Variants in ARHGEF28 observed in about 807,000 individuals in gnomAD.
The protein encoded by ARHGEF28 is 190 kDa guanine nucleotide exchange factor.
A neutral mutation model predicts 206.6 loss-of-function variants in ARHGEF28; 152 were observed. The observed-to-expected ratio is 0.74, with a 90% CI of 0.64 to 0.84. ARHGEF28 has a LOEUF of 0.84. ARHGEF28 is among the 40% of genes least tolerant of loss of function. ARHGEF28 has a pLI of 0.00. For synonymous variants in ARHGEF28, 763 were observed against 776.4 expected, an observed-to-expected ratio of 0.98 and a Z score of 0.29; for missense variants, 2,028 against 2,073.2, an observed-to-expected ratio of 0.98 and a Z score of 0.42.
At chr5:73,671,123 A>C (rs532644408) in intron 1 of ARHGEF28, among the ~76,000 whole-genome samples, 2 of 152,302 alleles carry the variant, frequency 1.3e-5, no homozygotes, top group South Asian at 4.1e-4. Context: ...AAGTTTGTTG[A>C]TGGACCATAT....
chr5:73,827,133 T>C (rs1382288210), intron 9 of ARHGEF28, among the ~76,000 whole-genome samples: 1 of 152,234 alleles, frequency 6.6e-6, no homozygotes, highest in African/African-American at 2.4e-5. Flanking sequence ...GTAAATCCTA[T>C]AGGCAGTTTG....
intron 9 of ARHGEF28, among the ~76,000 whole-genome samples, chr5:73,804,550 T>C (rs1246687756): frequency 2.0e-5 from 3 of 152,208 alleles, no homozygotes; most frequent in African/African-American, 7.2e-5. Flanking sequence ...ATTTATCTTT[T>C]AAGAACAGTT....
At chr5:73,781,717 G>C (rs1245716044) in intron 7 of ARHGEF28, among the ~76,000 whole-genome samples, 1 of 152,118 alleles carries the variant, frequency 6.6e-6, no homozygotes, top group Admixed American at 6.5e-5. Context: ...AGGGTATTTA[G>C]GGTAAAGGTT....
At chr5:73,783,601 G>A (rs1753978881) in intron 7 of ARHGEF28, among the ~76,000 whole-genome samples, 1 of 152,170 alleles carries the variant, frequency 6.6e-6, no homozygotes, top group Admixed American at 6.5e-5. Flanking sequence ...AAGCAACGCA[G>A]AAGAGAATCT....
Position 73,894,501 on chromosome 5 carries a change from C to T in ARHGEF28, c.3767C>T (p.Pro1256Leu), listed in dbSNP as rs1298324685. The T allele has an allele frequency of 6.2e-7, 1 of 1,613,926 alleles. No individual in the cohort carries two copies. The highest frequency in any genetic ancestry group is 8.5e-7 in the Non-Finnish European group (1 of 1,179,874). Residue 1256 changes from proline to leucine, a missense_variant, in exon 29 of 36, where the codon CCC becomes CTC. Transcript: ENST00000513042. ...LSGFEDVHLEPHLLIKPDPGE... is the reference protein window; with the variant it reads ...LSGFEDVHLELHLLIKPDPGE... Reference sequence around the variant, plus strand: ...GGATTTGAGGACGTCCATCTAGAGCCCCACCTCCTTATTAAACCTGACCCA... The same window carrying T: ...GGATTTGAGGACGTCCATCTAGAGCTCCACCTCCTTATTAAACCTGACCCA...
At chr5:73,893,550 T>A (rs534997895) in intron 28 of ARHGEF28, among the ~76,000 whole-genome samples, 1 of 152,358 alleles carries the variant, frequency 6.6e-6, no homozygotes, top group Admixed American at 6.5e-5. Flanking sequence ...GTGGTGCAGA[T>A]GAATGTTGGA....
intron 8 of ARHGEF28, among the ~76,000 whole-genome samples, chr5:73,794,663 G>C (rs1754693776): frequency 6.7e-6 from 1 of 149,280 alleles, no homozygotes; most frequent in South Asian, 2.1e-4. Flanking sequence ...CTGGAGTACA[G>C]TGGCACGATC....
chr5:73,765,426 G>A (rs1752840233), intron 4 of ARHGEF28, among the ~76,000 whole-genome samples: 1 of 152,220 alleles, frequency 6.6e-6, no homozygotes, highest in South Asian at 2.1e-4. Context: ...CTCCCAGTCA[G>A]CCAGCCACAC....
chr5:73,879,488 G>A (rs1265824910), intron 22 of ARHGEF28, among the ~76,000 whole-genome samples: 1 of 152,220 alleles, frequency 6.6e-6, no homozygotes, highest in Non-Finnish European at 1.5e-5. Flanking sequence ...TCCTTTGGAG[G>A]AGGAGAGGCG....
intron 2 of ARHGEF28, among the ~76,000 whole-genome samples, chr5:73,743,542 A>T (rs150126597): frequency 4.8e-4 from 73 of 152,320 alleles, no homozygotes; most frequent in African/African-American, 1.8e-3. Flanking sequence ...AAAAATTGGC[A>T]TTCTGATATT....
intron 1 of ARHGEF28, among the ~76,000 whole-genome samples, chr5:73,633,353 C>T (rs1461997289): frequency 6.6e-6 from 1 of 152,068 alleles, no homozygotes; most frequent in Non-Finnish European, 1.5e-5. Flanking sequence ...GAAGAAGTGA[C>T]ACCTCATGGT....
At chr5:73,851,417 T>A (rs1197524492) in intron 13 of ARHGEF28, among the ~76,000 whole-genome samples, 4 of 152,076 alleles carry the variant, frequency 2.6e-5, no homozygotes, top group Non-Finnish European at 4.4e-5. Context: ...TTTTTTTTTT[T>A]TTTGAGCCAA....
At chr5:73,701,536 G>A (rs1041453996) in intron 2 of ARHGEF28, among the ~76,000 whole-genome samples, 8 of 152,164 alleles carry the variant, frequency 5.3e-5, no homozygotes, top group African/African-American at 1.9e-4. Flanking sequence ...CATTTTTGAT[G>A]GCTCAGAATT....
intron 35 of ARHGEF28, among the ~76,000 whole-genome samples, chr5:73,916,025 A>G (rs1348290427): frequency 6.6e-6 from 1 of 152,230 alleles, no homozygotes; most frequent in Admixed American, 6.5e-5. Context: ...ACTATTTTCA[A>G]AATTCAAAGC....
intron 1 of ARHGEF28, among the ~76,000 whole-genome samples, chr5:73,667,031 G>A (rs980702926): frequency 5.3e-5 from 8 of 150,106 alleles, no homozygotes; most frequent in African/African-American, 1.7e-4. Context: ...GAACCACTCC[G>A]TGGTTGGTGG....
intron 10 of ARHGEF28, among the ~76,000 whole-genome samples, chr5:73,837,590 A>T (rs1192219456): frequency 6.6e-6 from 1 of 151,938 alleles, no homozygotes; most frequent in Admixed American, 6.5e-5. Context: ...ATGTGGGGAA[A>T]ACTATATATA....
At chr5:73,733,968 C>T (rs1750756311) in intron 2 of ARHGEF28, among the ~76,000 whole-genome samples, 1 of 152,000 alleles carries the variant, frequency 6.6e-6, no homozygotes, top group South Asian at 2.1e-4. Context: ...CAAAGGGGGA[C>T]ACGTTATACA....
Position 73,674,510 on chromosome 5 carries a change from A to G in ARHGEF28, c.-11-10331A>G, listed in dbSNP as rs189222782. Among the ~76,000 whole-genome samples, 7 of 152,362 alleles carry G rather than the reference A, an allele frequency of 4.6e-5. No homozygotes were observed. In the East Asian group the frequency reaches 1.4e-3, roughly 29 times the overall value. On this transcript the variant is annotated intron_variant, in intron 1 of 35. Transcript: ENST00000513042. ...TGAGGATAGCAGGTATGATATTGTGAAACATACACGGTATTTTGACTTCAT... is the reference window on the plus strand; with the variant it reads ...TGAGGATAGCAGGTATGATATTGTGGAACATACACGGTATTTTGACTTCAT...
chr5:73,735,158 A>C (rs1750837458), intron 2 of ARHGEF28, among the ~76,000 whole-genome samples: 1 of 151,934 alleles, frequency 6.6e-6, no homozygotes, highest in South Asian at 2.1e-4. Context: ...GATTTTAGTA[A>C]TCTCTGAGTA....
Sources: gnomAD v4.1 joint callset for allele counts (sites outside exome capture counted in the v4.1 genomes callset) on GRCh38, gnomAD v4.1.1 for gene constraint, MANE v1.5 for transcripts, NCBI Gene and HGNC (gene_info 2026-07-23, HGNC 2026-07-21) for gene names.